ZZZ3: variants seen among roughly 807,000 people sequenced by gnomAD.
The protein encoded by ZZZ3 is zinc finger ZZ-type containing 3.
ZZZ3 carries 22 observed loss-of-function variants against 95.2 expected under a neutral mutation model. The observed-to-expected ratio is 0.23, with a 90% CI of 0.17 to 0.33. The LOEUF (loss-of-function observed/expected upper bound fraction) is 0.33, where lower values mean the gene tolerates loss of function less well. ZZZ3 is among the 10% of genes least tolerant of loss of function. The pLI, the probability that ZZZ3 is intolerant of heterozygous loss-of-function variation, is 1.00. For synonymous variants in ZZZ3, 335 were observed against 358.9 expected (o/e 0.93, Z 0.75); for missense variants, 885 against 1,066.5 (o/e 0.83, Z 2.37).
chr1:77,605,481 A>G (rs1021751556), intron 5 of ZZZ3, among the ~76,000 whole-genome samples: 1 of 152,198 alleles, frequency 6.6e-6, no homozygotes, highest in African/African-American at 2.4e-5. Context: ...GCCAGGAGAC[A>G]TGGGGGGCAT....
At chr1:77,648,532 TA>T (rs1669506823) in intron 1 of ZZZ3, among the ~76,000 whole-genome samples, 1 of 152,056 alleles carries the variant, frequency 6.6e-6, no homozygotes, top group African/African-American at 2.4e-5. Flanking sequence ...TAAGTAGAGA[TA>T]CGTAAGTCTT....
intron 5 of ZZZ3, among the ~76,000 whole-genome samples, chr1:77,612,558 G>C (rs1024221489): frequency 6.6e-6 from 1 of 151,916 alleles, no homozygotes; most frequent in Non-Finnish European, 1.5e-5. Flanking sequence ...GACAGACAAC[G>C]GACAAAGAAA....
At chr1:77,658,177 T>C (rs1250982979) in intron 1 of ZZZ3, among the ~76,000 whole-genome samples, 2 of 52,044 alleles carry the variant, frequency 3.8e-5, no homozygotes, top group African/African-American at 1.9e-4. Context: ...AGACTTTGTC[T>C]CAAAAAAAAA....
intron 5 of ZZZ3, among the ~76,000 whole-genome samples, chr1:77,616,013 A>G: frequency 6.6e-6 from 1 of 152,114 alleles, no homozygotes; most frequent in South Asian, 2.1e-4. Flanking sequence ...CATGGAACAC[A>G]CTGTGTATAA....
intron 1 of ZZZ3, among the ~76,000 whole-genome samples, chr1:77,670,813 T>C (rs1480651913): frequency 6.6e-6 from 1 of 151,040 alleles, no homozygotes; most frequent in Non-Finnish European, 1.5e-5. Flanking sequence ...GGAAGGGCTG[T>C]CATGCGGGTA....
chr1:77,649,775 G>A (rs941843721), intron 1 of ZZZ3, among the ~76,000 whole-genome samples: 9 of 151,768 alleles, frequency 5.9e-5, no homozygotes, highest in African/African-American at 7.3e-5. Context: ...CCAGCTACTC[G>A]GGAGGCTGAG....
intron 1 of ZZZ3, among the ~76,000 whole-genome samples, chr1:77,658,907 T>G (rs1393225719): frequency 6.6e-6 from 1 of 152,222 alleles, no homozygotes; most frequent in Non-Finnish European, 1.5e-5. Context: ...AGATAAAGCT[T>G]CATTTGTTAA....
chr1:77,646,977 C>A (rs1326765466), intron 1 of ZZZ3, among the ~76,000 whole-genome samples: 2 of 152,082 alleles, frequency 1.3e-5, no homozygotes, highest in African/African-American at 4.8e-5. Flanking sequence ...CTGCAGGGGA[C>A]CTCCTTAAAT....
chr1:77,610,136 T>A (rs368104049), intron 5 of ZZZ3, among the ~76,000 whole-genome samples: 10 of 140,202 alleles, frequency 7.1e-5, no homozygotes, highest in Non-Finnish European at 1.1e-4. Context: ...AAATCAGAGA[T>A]AAAAAAAAAA....
In ZZZ3 at chr1:77,621,937, T is replaced by A. The variant is rs564089668; in HGVS notation, c.1505+9913A>T. ...CATCTCACATGTTAAGACGGTAACA[T>A]GATCCTTCCCTCCAACTAAAAGTTT... On this transcript the variant is annotated intron_variant, in intron 5 of 14. Coordinates refer to ENST00000370801, the MANE Select transcript of ZZZ3 (RefSeq NM_015534.6). Among the ~76,000 whole-genome samples the A allele has an allele frequency of 2.6e-5, 4 of 152,292 alleles. No individual in the cohort carries two copies. In the South Asian group the frequency reaches 6.2e-4, roughly 24 times the overall value.
chr1:77,631,698 G>C (rs1667827439), intron 5 of ZZZ3, 152 bp downstream of exon 5: 1 of 574,706 alleles, frequency 1.7e-6, no homozygotes, highest in Admixed American at 3.7e-5. Flanking sequence ...TCTTTTTTTG[G>C]AGTTTTTCTA....
intron 5 of ZZZ3, among the ~76,000 whole-genome samples, chr1:77,607,385 T>C (rs1446242647): frequency 1.3e-5 from 2 of 152,194 alleles, no homozygotes; most frequent in African/African-American, 4.8e-5. Flanking sequence ...AGGTGAGACT[T>C]GGGTGGGAAC....
rs755488097 is a variant in ZZZ3 at position 77,565,767 on chromosome 1, A to G, written c.2585T>C (p.Ile862Thr). The change falls in exon 15 of 15, where the codon ATT becomes ACT. Residue 862 changes from isoleucine (I) to threonine (T), a missense_variant. Coordinates refer to ENST00000370801, the MANE Select transcript of ZZZ3 (RefSeq NM_015534.6). ...TTCTAATTGGTGATCTTCCTTGTGA[A>G]TATCTGTTTCATGTAGACTGTAAAG... ...SCSDCLHETD[I>T]HKEDHQLEPI... 6 of 1,613,238 alleles carry G rather than the reference A, an allele frequency of 3.7e-6. No individual in the cohort carries two copies. Among genetic ancestry groups the G allele is most frequent in the South Asian group, 2.2e-5 (2 of 90,942 alleles).
chr1:77,589,293 C>A (rs929188735), intron 5 of ZZZ3, among the ~76,000 whole-genome samples: 1 of 152,058 alleles, frequency 6.6e-6, no homozygotes, highest in Non-Finnish European at 1.5e-5. Flanking sequence ...CTTTTCAATA[C>A]CCAAGTCCTC....
At chr1:77,682,762 G>T (rs1557793127), upstream of ZZZ3, 1 of 152,222 alleles carries the variant, frequency 6.6e-6, no homozygotes, top group Admixed American at 6.5e-5. Context: ...CAGTATTTCG[G>T]AACTTAAAAA....
intron 1 of ZZZ3, among the ~76,000 whole-genome samples, chr1:77,644,057 ACTTT>A (rs1299770263): frequency 1.3e-5 from 2 of 151,620 alleles, no homozygotes; most frequent in East Asian, 1.9e-4. Context: ...GACAGAAATA[ACTTT>A]CTTTTTTTTT....
rs137980062 is a variant in ZZZ3 at position 77,565,617 on chromosome 1, A to G, written c.*23T>C. The stretch of plus-strand genomic sequence containing the variant: ...CCATTGCTATGTGTTGAAGAGGACT[A>G]GTAAATGATGTTCTCTTCCATGTCA... On this transcript the variant is annotated 3_prime_UTR_variant, in exon 15 of 15. Coordinates refer to ENST00000370801, the MANE Select transcript of ZZZ3 (RefSeq NM_015534.6). The G allele has an allele frequency of 8.9e-4, 1,426 of 1,610,094 alleles. 15 individuals are homozygous for G. The highest frequency in any genetic ancestry group is 1.5e-4 in the Non-Finnish European group (173 of 1,177,574).
intron 4 of ZZZ3, among the ~76,000 whole-genome samples, chr1:77,636,818 T>A (rs1180020275): frequency 6.6e-6 from 1 of 151,740 alleles, no homozygotes; most frequent in East Asian, 1.9e-4. Context: ...AAATAAAATA[T>A]GAAAACACTG....
intron 4 of ZZZ3, among the ~76,000 whole-genome samples, chr1:77,635,045 C>T (rs1668174245): frequency 6.6e-6 from 1 of 152,156 alleles, no homozygotes; most frequent in African/African-American, 2.4e-5. Flanking sequence ...GACTCCTACC[C>T]CTAAAAATCA....
Sources: allele counts gnomAD v4.1 joint callset (sites outside exome capture counted in the v4.1 genomes callset), GRCh38; gene constraint gnomAD v4.1.1; transcripts MANE v1.5; gene names NCBI Gene and HGNC (gene_info 2026-07-23, HGNC 2026-07-21).